FGGY: variants seen among roughly 807,000 people sequenced by gnomAD.
FGGY encodes the protein FGGY carbohydrate kinase domain containing, also known as FGGY carbohydrate kinase domain-containing protein.
FGGY carries 72 observed loss-of-function variants against 71.3 expected under a neutral mutation model. The ratio of observed to expected loss-of-function variants is 1.01; its 90% CI spans 0.84 to 1.23. The LOEUF (loss-of-function observed/expected upper bound fraction) is 1.23. Ranked by LOEUF, FGGY falls within the 50% of genes most tolerant of loss-of-function variation. FGGY has a pLI of 0.00. For synonymous variants in FGGY, 251 were observed against 250.3 expected (o/e 1.00, Z -0.02); for missense variants, 668 against 682.3 (o/e 0.98, Z 0.23).
intron 14 of FGGY, among the ~76,000 whole-genome samples, chr1:59,736,715 G>A (rs2098108010): frequency 6.6e-6 from 1 of 152,200 alleles, no homozygotes; most frequent in South Asian, 2.1e-4. Flanking sequence ...AGTTTCAAAA[G>A]GAAAACGGAG....
chr1:59,688,893 G>T (rs540422758), intron 14 of FGGY, among the ~76,000 whole-genome samples: 8 of 152,180 alleles, frequency 5.3e-5, no homozygotes, highest in African/African-American at 1.9e-4. Flanking sequence ...GGGATTACAG[G>T]CACCTGCCAC....
At chr1:59,545,317 C>A (rs1463302511) in intron 7 of FGGY, among the ~76,000 whole-genome samples, 1 of 152,100 alleles carries the variant, frequency 6.6e-6, no homozygotes, top group Non-Finnish European at 1.5e-5. Flanking sequence ...AGGACTTATT[C>A]CATAAGATGC....
At chr1:59,370,844 A>T (rs1356221397) in intron 4 of FGGY, among the ~76,000 whole-genome samples, 2 of 152,156 alleles carry the variant, frequency 1.3e-5, no homozygotes, top group East Asian at 3.9e-4. Context: ...TACTTTACAG[A>T]CAAGCAAATG....
In FGGY at chr1:59,667,282, G is replaced by C; in HGVS notation, c.1297-1G>C. 1 of 1,614,056 alleles carries C rather than the reference G, an allele frequency of 6.2e-7. No homozygotes were observed. Among genetic ancestry groups the C allele is most frequent in the Non-Finnish European group, 8.5e-7 (1 of 1,180,008 alleles). On this transcript the variant is annotated splice_acceptor_variant, in intron 12 of 15. Transcript: ENST00000303721. LOFTEE classifies it high-confidence loss of function. ...TGCTATCTTCTGCTTTTCCTTTCAA[G>C]TTGGGGACTCGCTTCATTATAGAAG...
chr1:59,510,806 T>C (rs577417978), intron 6 of FGGY, among the ~76,000 whole-genome samples: 1 of 152,238 alleles, frequency 6.6e-6, no homozygotes, highest in Non-Finnish European at 1.5e-5. Context: ...TTAACACCTC[T>C]CAATTCAGAC....
chr1:59,661,920 C>T (rs1042867101), intron 12 of FGGY, among the ~76,000 whole-genome samples: 10 of 151,080 alleles, frequency 6.6e-5, no homozygotes, highest in Non-Finnish European at 1.2e-4. Flanking sequence ...GGGGTTTCAC[C>T]ATGTTGGCCA....
chr1:59,535,284 A>C (rs984085484), intron 7 of FGGY, among the ~76,000 whole-genome samples: 5 of 152,168 alleles, frequency 3.3e-5, no homozygotes, highest in Admixed American at 6.5e-5. Context: ...AGAGCTAACT[A>C]TCCTAAATAT....
At chr1:59,607,966 C>A in intron 9 of FGGY, 56 bp downstream of exon 9, 2 of 1,401,056 alleles carry the variant, frequency 1.4e-6, no homozygotes, top group Non-Finnish European at 2.0e-6. Context: ...TTGATTAGTC[C>A]ATTTTGTCAC....
chr1:59,332,446 G>C (rs2048676564), intron 2 of FGGY, among the ~76,000 whole-genome samples: 1 of 152,212 alleles, frequency 6.6e-6, no homozygotes, highest in South Asian at 2.1e-4. Flanking sequence ...GTGTGACTCT[G>C]ACAGTCATCT....
chr1:59,391,154 C>T (rs1032199900), intron 5 of FGGY, among the ~76,000 whole-genome samples: 1 of 152,170 alleles, frequency 6.6e-6, no homozygotes, highest in South Asian at 2.1e-4. Flanking sequence ...TTCTCCACCT[C>T]CTCCCTGGCT....
At chr1:59,542,174 C>T (rs999741794) in intron 7 of FGGY, among the ~76,000 whole-genome samples, 2 of 152,178 alleles carry the variant, frequency 1.3e-5, no homozygotes, top group Non-Finnish European at 2.9e-5. Flanking sequence ...TGCCAAAAGG[C>T]TTGTTTGTCC....
intron 4 of FGGY, among the ~76,000 whole-genome samples, chr1:59,366,685 C>T (rs1174790361): frequency 2.0e-5 from 3 of 152,056 alleles, no homozygotes; most frequent in African/African-American, 7.2e-5. Context: ...TCTCCCAAAA[C>T]TCTGCATTTT....
Position 59,582,091 on chromosome 1 carries a change from GA to G in FGGY, c.904-25704del, listed in dbSNP as rs1013784779. Among the ~76,000 whole-genome samples, 2 of 148,502 alleles carry G rather than the reference GA, an allele frequency of 1.3e-5. 1 individual carries two copies. The highest frequency in any genetic ancestry group is 3.0e-5 in the Non-Finnish European group (2 of 67,672). ...TAGTGAGACCCTTCTCTCTTAAAAA[GA>G]AAAAAAAGCTGGATGTGGTGGTGGT... On this transcript the variant is annotated intron_variant, in intron 8 of 15. Coordinates refer to ENST00000303721, the MANE Select transcript of FGGY (RefSeq NM_018291.5).
chr1:59,720,282 G>C (rs1445080286), intron 14 of FGGY, among the ~76,000 whole-genome samples: 1 of 152,134 alleles, frequency 6.6e-6, no homozygotes, highest in Non-Finnish European at 1.5e-5. Flanking sequence ...TCTTGCTTTC[G>C]GATTCATGCC....
At chr1:59,721,488 AC>A (rs1484562768) in intron 14 of FGGY, among the ~76,000 whole-genome samples, 2 of 151,602 alleles carry the variant, frequency 1.3e-5, no homozygotes, top group African/African-American at 2.4e-5. Flanking sequence ...ACAGGCGTGC[AC>A]CACCACACCC....
chr1:59,546,535 GATT>G (rs747576612), intron 7 of FGGY, among the ~76,000 whole-genome samples: 7,695 of 129,170 alleles, frequency 0.06, 292 homozygotes, highest in Middle Eastern at 0.081. Flanking sequence ...TGATGATGAT[GATT>G]ATTATTATTA....
rs115318188 is a variant in FGGY at position 59,667,403 on chromosome 1, G to A, written c.1417G>A (p.Gly473Ser). 98 of 1,613,910 alleles carry A rather than the reference G, an allele frequency of 6.1e-5. No homozygotes were observed. The East Asian group carries it at 2.2e-3, about 36-fold the overall frequency. ...TGTGCAAATGCATGCGGACATTACT[G>A]GTAAGTCTGGGAAAGAGGAGAGAAG... The part of the protein sequence containing the change: ...LFVQMHADIT[G>S]MPVVLSQEVE... Residue 473 changes from glycine to serine, a missense_variant and splice_region_variant, in exon 13 of 16, where the codon GGC becomes AGC. Transcript: ENST00000303721.
chr1:59,373,850 C>G (rs1446709775), intron 4 of FGGY, among the ~76,000 whole-genome samples: 1 of 151,074 alleles, frequency 6.6e-6, no homozygotes, highest in Non-Finnish European at 1.5e-5. Context: ...AACTGGCTAG[C>G]CAGGAGAAAG....
At chr1:59,359,761 T>C (rs1054771589) in intron 4 of FGGY, among the ~76,000 whole-genome samples, 3 of 152,176 alleles carry the variant, frequency 2.0e-5, no homozygotes, top group Admixed American at 6.5e-5. Flanking sequence ...CTCAACTCTG[T>C]GGCCCTGTCA....
Sources: gnomAD v4.1 joint callset for allele counts (sites outside exome capture counted in the v4.1 genomes callset) on GRCh38, gnomAD v4.1.1 for gene constraint, MANE v1.5 for transcripts, NCBI Gene and HGNC (gene_info 2026-07-23, HGNC 2026-07-21) for gene names.